Variants in ZNF516 observed in about 807,000 individuals in gnomAD.
ZNF516 encodes the protein zinc finger protein 516.
In ZNF516, 19 loss-of-function variants were observed where a neutral mutation model predicts 79.7. The observed-to-expected ratio is 0.24, with a 90% CI of 0.17 to 0.35. The LOEUF is 0.35. Ranked by LOEUF, ZNF516 falls within the 10% of genes least tolerant of loss-of-function variation. ZNF516 has a pLI of 1.00. For synonymous variants in ZNF516, 877 were observed against 739.5 expected (o/e 1.19, Z -3.02); for missense variants, 1,678 against 1,679.5 (o/e 1.00, Z 0.02).
intron 1 of ZNF516, chr18:76,488,352 G>T: frequency 4.4e-6 from 3 of 674,264 alleles, no homozygotes; most frequent in Non-Finnish European, 5.5e-6. Flanking sequence ...AGGCCTTTTT[G>T]CGGGATGCTA....
intron 3 of ZNF516, among the ~76,000 whole-genome samples, chr18:76,420,424 G>A (rs1241951387): frequency 6.6e-6 from 1 of 152,106 alleles, no homozygotes; most frequent in African/African-American, 2.4e-5. Flanking sequence ...GAATTCCAGG[G>A]AGGTCATTTG....
chr18:76,390,598 C>A (rs1160881780), intron 3 of ZNF516, among the ~76,000 whole-genome samples: 1 of 152,176 alleles, frequency 6.6e-6, no homozygotes, highest in Non-Finnish European at 1.5e-5. Context: ...GCCCAGCTGC[C>A]AGCACCACCC....
chr18:76,416,441 A>G (rs951035245), intron 3 of ZNF516, among the ~76,000 whole-genome samples: 4 of 152,218 alleles, frequency 2.6e-5, no homozygotes, highest in African/African-American at 2.4e-5. Context: ...TCCATTAATA[A>G]CCAAGGAGGT....
chr18:76,441,147 C>T, intron 3 of ZNF516, 98 bp downstream of exon 3: 1 of 1,453,090 alleles, frequency 6.9e-7, no homozygotes. Context: ...GGGTAAGGGG[C>T]TAATGAGCGA....
At chr18:76,491,642 T>C (rs1465201754) in intron 1 of ZNF516, 5 of 554,744 alleles carry the variant, frequency 9.0e-6, no homozygotes, top group Non-Finnish European at 1.1e-5. Context: ...GCCCTCCTCC[T>C]GGCAGCCCAG....
At chr18:76,405,516 G>A (rs1192921403) in intron 3 of ZNF516, among the ~76,000 whole-genome samples, 1 of 152,122 alleles carries the variant, frequency 6.6e-6, no homozygotes, top group Admixed American at 6.5e-5. Flanking sequence ...GCCCCAGCCC[G>A]GGAGGGGCGG....
intron 6 of ZNF516, among the ~76,000 whole-genome samples, chr18:76,365,885 C>T (rs757345897): frequency 7.9e-5 from 12 of 152,188 alleles, no homozygotes; most frequent in Non-Finnish European, 1.3e-4. Context: ...CCACAGCCTA[C>T]GGGAAGCCCT....
rs976670878 is a variant in ZNF516, at chr18:76,453,026, T to C, written c.-157-9815A>G. 2.6e-4 allele frequency among the ~76,000 whole-genome samples: 39 copies of C among 152,354 alleles called. 1 individual carries two copies. Among genetic ancestry groups the C allele is most frequent in the African/African-American group, 9.1e-4 (38 of 41,592 alleles). On this transcript the variant is annotated intron_variant, in intron 2 of 6. Transcript: ENST00000443185. ...CCCTTTCTTTTGCTCTCCAAAATTA[T>C]TGCATTACTGTTACTTGTCATTTAC...
chr18:76,427,913 CTT>C (rs1162373270), intron 3 of ZNF516, among the ~76,000 whole-genome samples: 2 of 152,120 alleles, frequency 1.3e-5, no homozygotes, highest in African/African-American at 2.4e-5. Context: ...AAATATACCA[CTT>C]TTTTTGTTTC....
chr18:76,379,897 C>G lies in ZNF516; in HGVS notation c.2217G>C (p.Ser739=). ...CCTTATTGCTGGGGTCATCCCGCGT[C>G]GACCTCGCACTTAAATCTAGCGGCA... is the stretch of plus-strand genomic sequence containing the variant. The part of the protein sequence containing the change: ...DLMPLDLSAR[S]TRDDPSNKET... The change falls in exon 4 of 7, where the codon TCG becomes TCC. Residue 739 remains serine, a synonymous_variant. Transcript: ENST00000443185. 3.7e-6 allele frequency: 6 copies of G among 1,613,944 alleles called. No individual in the cohort carries two copies. Among genetic ancestry groups the G allele is most frequent in the Non-Finnish European group, 5.1e-6 (6 of 1,179,884 alleles).
chr18:76,492,104 G>T (rs1022963027), intron 1 of ZNF516: 23 of 946,650 alleles, frequency 2.4e-5, no homozygotes, highest in Non-Finnish European at 2.9e-5. Flanking sequence ...CCCTGCAGGG[G>T]TCTCCGGGGA....
intron 3 of ZNF516, chr18:76,385,935 C>A (rs889305068): frequency 5.3e-5 from 8 of 152,294 alleles, no homozygotes; most frequent in Non-Finnish European, 8.8e-5. Flanking sequence ...AGCTGCTATT[C>A]CTACAAAGCG....
intron 1 of ZNF516, among the ~76,000 whole-genome samples, chr18:76,464,689 G>C (rs1167736678): frequency 6.7e-6 from 1 of 149,028 alleles, no homozygotes; most frequent in East Asian, 1.9e-4. Context: ...TCCTGGACTT[G>C]CAAGGCCTCC....
chr18:76,477,042 T>C (rs370978238), intron 1 of ZNF516, among the ~76,000 whole-genome samples: 2 of 152,180 alleles, frequency 1.3e-5, no homozygotes, highest in East Asian at 1.9e-4. Flanking sequence ...TGCAGAAATA[T>C]TCGTTTGCCT....
chr18:76,494,596 C>G (rs1236660546), intron 1 of ZNF516, among the ~76,000 whole-genome samples: 2 of 152,164 alleles, frequency 1.3e-5, no homozygotes, highest in East Asian at 3.9e-4. Flanking sequence ...CACGCAAACA[C>G]GTCCCCTAGG....
At chr18:76,475,929 T>C (rs1914148584) in intron 1 of ZNF516, among the ~76,000 whole-genome samples, 1 of 152,258 alleles carries the variant, frequency 6.6e-6, no homozygotes, top group Non-Finnish European at 1.5e-5. Context: ...ATACAGTGAC[T>C]GGCATAGAGC....
At chr18:76,480,520 C>CATATAT (rs775140329) in intron 1 of ZNF516, among the ~76,000 whole-genome samples, 2 of 69,476 alleles carry the variant, frequency 2.9e-5, no homozygotes, top group African/African-American at 1.7e-4. Flanking sequence ...CACACACACA[C>CATATAT]ACACATATAT....
rs781398670 is a variant in ZNF516 at position 76,480,488 on chromosome 18, T to TACATACACAC, written c.-272+14655_-272+14656insGTGTGTATGT. Among the ~76,000 whole-genome samples the TACATACACAC allele has an allele frequency of 1.6e-3, 228 of 138,868 alleles. 1 individual carries two copies. In the Middle Eastern group the frequency reaches 0.022, roughly 13 times the overall value. The allele number at this position is 138,868 out of a possible 152,430, so 91.1% of individuals were successfully genotyped here. The stretch of plus-strand genomic sequence containing the variant: ...TTACATATATATACACACACACATA[T>TACATACACAC]ACACATACACACACACACACACACA... On this transcript the variant is annotated intron_variant, in intron 1 of 6. Transcript: ENST00000443185.
rs183731643 is a variant in ZNF516 at position 76,367,895 on chromosome 18, A to G, written c.3432+2633T>C. Reference sequence around the variant, plus strand: ...TTACATAATGTAGCATCTATTATGTATATCTATAAAAGTCCATTGACTTTA... The same window carrying G: ...TTACATAATGTAGCATCTATTATGTGTATCTATAAAAGTCCATTGACTTTA... On this transcript the variant is annotated intron_variant, in intron 6 of 6. Coordinates refer to ENST00000443185, the MANE Select transcript of ZNF516 (RefSeq NM_014643.4). Among the ~76,000 whole-genome samples, 40 of 152,334 alleles carry G rather than the reference A, an allele frequency of 2.6e-4. No individual in the cohort carries two copies. In the East Asian group the frequency reaches 7.1e-3, roughly 27 times the overall value.
Sources: gnomAD v4.1 joint callset for allele counts (sites outside exome capture counted in the v4.1 genomes callset) on GRCh38, gnomAD v4.1.1 for gene constraint, MANE v1.5 for transcripts, NCBI Gene and HGNC (gene_info 2026-07-23, HGNC 2026-07-21) for gene names.